AFG2A: variants seen among roughly 807,000 people sequenced by gnomAD.
AFG2A encodes ATPase family gene 2 protein homolog A.
At chr4:123,157,623 G>A in the AFG2A span, among the ~76,000 whole-genome samples, 1 of 152,120 alleles carries the variant, frequency 6.6e-6, no homozygotes, top group South Asian at 2.1e-4. Context: ...CATCTTCCAA[G>A]ATCAGACGAG....
chr4:122,947,451 C>T, the AFG2A span: 174 of 1,613,540 alleles, frequency 1.1e-4, 2 homozygotes, highest in Admixed American at 1.1e-3. Flanking sequence ...CTCATGGATA[C>T]GTTGGAGCAG....
chr4:122,977,829 C>T, the AFG2A span, among the ~76,000 whole-genome samples: 2 of 152,214 alleles, frequency 1.3e-5, no homozygotes, highest in African/African-American at 2.4e-5. Context: ...CTTCTGCCAT[C>T]AGGTCGTCCT....
the AFG2A span, among the ~76,000 whole-genome samples, chr4:122,968,448 T>A: frequency 1.3e-5 from 2 of 152,222 alleles, no homozygotes; most frequent in Admixed American, 1.3e-4. Context: ...CAGCCCTACA[T>A]GCTCACCTCA....
chr4:123,295,720 C>A, the AFG2A span, among the ~76,000 whole-genome samples: 1 of 152,210 alleles, frequency 6.6e-6, no homozygotes, highest in African/African-American at 2.4e-5. Flanking sequence ...ATGGTGAAAA[C>A]CTGCCAGCAT....
the AFG2A span, among the ~76,000 whole-genome samples, chr4:123,091,567 C>T: frequency 2.6e-5 from 4 of 152,168 alleles, no homozygotes; most frequent in Non-Finnish European, 5.9e-5. Context: ...TTGCCATCAA[C>T]ACAAGAACTT....
the AFG2A span, chr4:123,090,520 T>C: frequency 1.1e-5 from 17 of 1,572,732 alleles, no homozygotes; most frequent in Non-Finnish European, 1.5e-5. Flanking sequence ...TAAAAATTAA[T>C]AGATAATAGT....
chr4:122,982,439 A>C, the AFG2A span, among the ~76,000 whole-genome samples: 1 of 152,186 alleles, frequency 6.6e-6, no homozygotes, highest in Non-Finnish European at 1.5e-5. Context: ...ATGTTCACCA[A>C]GGATATTGGC....
chr4:123,179,878 T>G, the AFG2A span, among the ~76,000 whole-genome samples: 5 of 152,116 alleles, frequency 3.3e-5, no homozygotes, highest in African/African-American at 1.2e-4. Flanking sequence ...TTATAAGGTG[T>G]TTGAACATGT....
the AFG2A span, among the ~76,000 whole-genome samples, chr4:122,997,188 T>C: frequency 6.6e-6 from 1 of 152,182 alleles, no homozygotes; most frequent in African/African-American, 2.4e-5. Context: ...CCAAACAATT[T>C]ATTCATTTAA....
At chr4:123,043,099 G>T in the AFG2A span, among the ~76,000 whole-genome samples, 3 of 152,078 alleles carry the variant, frequency 2.0e-5, no homozygotes, top group Admixed American at 1.3e-4. Flanking sequence ...GCTTCTGTTT[G>T]TCTGATAATA....
At chr4:123,277,183 C>T in the AFG2A span, among the ~76,000 whole-genome samples, 1 of 152,034 alleles carries the variant, frequency 6.6e-6, no homozygotes, top group Non-Finnish European at 1.5e-5. Context: ...TCCTTGTAGA[C>T]ATCTTTCACC....
At chr4:123,108,053 G>A in the AFG2A span, among the ~76,000 whole-genome samples, 2 of 152,198 alleles carry the variant, frequency 1.3e-5, no homozygotes, top group African/African-American at 2.4e-5. Context: ...CTCAGTAGGG[G>A]CCAGGGCTCC....
At chr4:123,227,187 A>G in the AFG2A span, among the ~76,000 whole-genome samples, 91 of 151,838 alleles carry the variant, frequency 6.0e-4, no homozygotes, top group African/African-American at 2.1e-3. Flanking sequence ...ATTTTTTGAA[A>G]GGTTTTTTGT....
the AFG2A span, among the ~76,000 whole-genome samples, chr4:123,182,397 T>C: frequency 6.6e-6 from 1 of 152,322 alleles, no homozygotes; most frequent in Non-Finnish European, 1.5e-5. Flanking sequence ...GTTTTAATTA[T>C]ATTGTTCCTT....
chr4:122,933,146 C>T, the AFG2A span, among the ~76,000 whole-genome samples: 2 of 152,170 alleles, frequency 1.3e-5, no homozygotes, highest in African/African-American at 2.4e-5. Flanking sequence ...ATTTCTTATT[C>T]TATTAACAAA....
chr4:123,190,771 ACT>A, the AFG2A span, among the ~76,000 whole-genome samples: 2 of 152,138 alleles, frequency 1.3e-5, no homozygotes, highest in African/African-American at 4.8e-5. Flanking sequence ...TTAACAAAAC[ACT>A]CTATTTGGTT....
chr4:123,102,623 G>A, the AFG2A span, among the ~76,000 whole-genome samples: 1 of 151,946 alleles, frequency 6.6e-6, no homozygotes, highest in African/African-American at 2.4e-5. Flanking sequence ...GTCTTCTATT[G>A]TTAATGCTCC....
the AFG2A span, among the ~76,000 whole-genome samples, chr4:123,132,558 A>G: frequency 2.0e-5 from 3 of 148,092 alleles, no homozygotes; most frequent in Non-Finnish European, 4.5e-5. Context: ...ACCAGTGTTC[A>G]TTGATAGAAG....
chr4:123,066,083 T>C, the AFG2A span, among the ~76,000 whole-genome samples: 1 of 152,174 alleles, frequency 6.6e-6, no homozygotes, highest in African/African-American at 2.4e-5. Flanking sequence ...TAGTCCAGAA[T>C]TGGTTTCCAC....
Sources: gnomAD v4.1 joint callset for allele counts (sites outside exome capture counted in the v4.1 genomes callset) on GRCh38, gnomAD v4.1.1 for gene constraint, MANE v1.5 for transcripts, NCBI Gene and HGNC (gene_info 2026-07-23, HGNC 2026-07-21) for gene names.